SHISA6: variants seen among roughly 807,000 people sequenced by gnomAD.
The protein encoded by SHISA6 is shisa family member 6.
In SHISA6, 22 loss-of-function variants were observed where a neutral mutation model predicts 47.9. The ratio of observed to expected loss-of-function variants is 0.46; its 90% confidence interval spans 0.33 to 0.66. The LOEUF (loss-of-function observed/expected upper bound fraction) is 0.66. Ranked by LOEUF, SHISA6 falls within the 30% of genes least tolerant of loss-of-function variation. The pLI is 0.02. For synonymous variants in SHISA6, 388 were observed against 337.8 expected, an observed-to-expected ratio of 1.15 and a Z score of -1.63; for missense variants, 680 against 764.6, an observed-to-expected ratio of 0.89 and a Z score of 1.30.
chr17:11,301,980 G>A (rs995157046), intron 2 of SHISA6, among the ~76,000 whole-genome samples: 8 of 152,190 alleles, frequency 5.3e-5, no homozygotes, highest in Admixed American at 5.2e-4. Flanking sequence ...TTCTTACATG[G>A]CGGCGGCAAG....
intron 3 of SHISA6, among the ~76,000 whole-genome samples, chr17:11,525,646 A>G (rs1317530987): frequency 1.1e-5 from 1 of 94,310 alleles, no homozygotes; most frequent in Non-Finnish European, 2.0e-5. Context: ...AAAAAAAAAA[A>G]AAAAACAAAA....
intron 2 of SHISA6, among the ~76,000 whole-genome samples, chr17:11,376,075 A>G (rs1316763691): frequency 1.3e-5 from 2 of 152,074 alleles, no homozygotes; most frequent in African/African-American, 4.8e-5. Flanking sequence ...GTTTCTCTTG[A>G]ACTGCAATTT....
chr17:11,545,925 C>T (rs902659296), intron 3 of SHISA6, among the ~76,000 whole-genome samples: 2 of 152,210 alleles, frequency 1.3e-5, no homozygotes, highest in Non-Finnish European at 2.9e-5. Context: ...ACACTTTTTG[C>T]ACCCAGCCTC....
At chr17:11,475,080 T>C in intron 3 of SHISA6, among the ~76,000 whole-genome samples, 2 of 152,308 alleles carry the variant, frequency 1.3e-5, no homozygotes, top group Middle Eastern at 6.8e-3. Context: ...TACCTAAGTA[T>C]TTCATGTTTT....
chr17:11,470,591 C>A (rs960300428), intron 3 of SHISA6, among the ~76,000 whole-genome samples: 1 of 152,180 alleles, frequency 6.6e-6, no homozygotes, highest in African/African-American at 2.4e-5. Context: ...GGCAAGCAGG[C>A]CTCCCGTCCT....
At chr17:11,469,338 A>C (rs886144668) in intron 3 of SHISA6, among the ~76,000 whole-genome samples, 4 of 152,206 alleles carry the variant, frequency 2.6e-5, no homozygotes, top group Non-Finnish European at 5.9e-5. Context: ...GAAGGGGCCA[A>C]GAGCCAAGAA....
At chr17:11,411,008 G>A (rs974712619) in intron 3 of SHISA6, among the ~76,000 whole-genome samples, 4 of 151,616 alleles carry the variant, frequency 2.6e-5, no homozygotes, top group African/African-American at 9.7e-5. Flanking sequence ...TCACTCTATC[G>A]CCCATGCTGG....
At position 11,542,061 on chromosome 17, in the gene SHISA6, G is replaced by A. The variant is rs149294414; in HGVS notation, c.896-9835G>A. 1.2e-4 allele frequency among the ~76,000 whole-genome samples: 18 copies of A among 152,290 alleles called. No individual in the cohort carries two copies. In the East Asian group the frequency reaches 1.9e-3, roughly 16 times the overall value. Reference sequence around the variant, plus strand: ...AACTGCTGAACTTCAGGTAAGAACAGTGAGGGGTTTATTAGCTCTAGACAT... The same window carrying A: ...AACTGCTGAACTTCAGGTAAGAACAATGAGGGGTTTATTAGCTCTAGACAT... On this transcript the variant is annotated intron_variant, in intron 3 of 5. Transcript: ENST00000441885.
At chr17:11,458,295 G>A (rs1487968166) in intron 3 of SHISA6, among the ~76,000 whole-genome samples, 2 of 152,100 alleles carry the variant, frequency 1.3e-5, no homozygotes, top group African/African-American at 4.8e-5. Flanking sequence ...ATGAAATGAT[G>A]AAAAGAAGTC....
At chr17:11,537,545 C>T (rs920872000) in intron 3 of SHISA6, among the ~76,000 whole-genome samples, 7 of 152,172 alleles carry the variant, frequency 4.6e-5, no homozygotes, top group Non-Finnish European at 1.0e-4. Flanking sequence ...TCCCCCAACA[C>T]GCTCATACTC....
intron 2 of SHISA6, among the ~76,000 whole-genome samples, chr17:11,303,031 A>G (rs945725463): frequency 6.6e-6 from 1 of 152,136 alleles, no homozygotes; most frequent in Admixed American, 6.5e-5. Context: ...CTGACTGAGT[A>G]GTGTGATGAC....
At chr17:11,248,455 C>A (rs1027812592) in intron 1 of SHISA6, among the ~76,000 whole-genome samples, 1 of 152,178 alleles carries the variant, frequency 6.6e-6, no homozygotes, top group African/African-American at 2.4e-5. Flanking sequence ...CGCCTGTGTT[C>A]TAGCGCTCAG....
At chr17:11,296,523 GAA>G (rs35293023) in intron 2 of SHISA6, among the ~76,000 whole-genome samples, 4 of 152,320 alleles carry the variant, frequency 2.6e-5, no homozygotes, top group Middle Eastern at 3.4e-3. Flanking sequence ...TAATGGAATA[GAA>G]AAGAGTCCTC....
chr17:11,296,937 G>A (rs748179279), intron 2 of SHISA6, among the ~76,000 whole-genome samples: 9 of 152,232 alleles, frequency 5.9e-5, no homozygotes, highest in African/African-American at 9.6e-5. Context: ...ATTAGAGAAC[G>A]GAGGATACCA....
chr17:11,463,536 T>C (rs935408801), intron 3 of SHISA6, among the ~76,000 whole-genome samples: 7 of 152,252 alleles, frequency 4.6e-5, no homozygotes, highest in Non-Finnish European at 7.3e-5. Context: ...TAACAGAATC[T>C]TTTCCAACAT....
At chr17:11,384,438 T>C (rs1913128667) in intron 3 of SHISA6, among the ~76,000 whole-genome samples, 1 of 152,258 alleles carries the variant, frequency 6.6e-6, no homozygotes, top group South Asian at 2.1e-4. Flanking sequence ...CCCCTTCAGA[T>C]AGATTTTCAG....
chr17:11,269,551 C>T (rs1314056737), intron 2 of SHISA6, among the ~76,000 whole-genome samples: 1 of 152,202 alleles, frequency 6.6e-6, no homozygotes, highest in East Asian at 1.9e-4. Flanking sequence ...AGTCCCTGTT[C>T]CCAGGGACAG....
At chr17:11,365,441 C>G (rs976674659) in intron 2 of SHISA6, among the ~76,000 whole-genome samples, 1 of 152,124 alleles carries the variant, frequency 6.6e-6, no homozygotes, top group Non-Finnish European at 1.5e-5. Context: ...CCACATCCAG[C>G]TAATTTTTGT....
chr17:11,296,973 C>T (rs1370829205), intron 2 of SHISA6, among the ~76,000 whole-genome samples: 3 of 152,122 alleles, frequency 2.0e-5, no homozygotes, highest in South Asian at 2.1e-4. Context: ...GGAAGTCAAC[C>T]GCAACCTCAG....
Sources: allele counts gnomAD v4.1 joint callset (sites outside exome capture counted in the v4.1 genomes callset), GRCh38; gene constraint gnomAD v4.1.1; transcripts MANE v1.5; gene names NCBI Gene and HGNC (gene_info 2026-07-23, HGNC 2026-07-21).